VMA12: variants seen among roughly 807,000 people sequenced by gnomAD.
The protein encoded by VMA12 is vacuolar ATPase assembly protein VMA12.
At chr17:28,358,932 C>T in the VMA12 span, 2 of 1,611,654 alleles carry the variant, frequency 1.2e-6, no homozygotes, top group African/African-American at 2.7e-5. Flanking sequence ...AACTATACCT[C>T]CATGAGCTCC....
the VMA12 span, chr17:28,358,510 G>A: frequency 2.1e-6 from 1 of 474,318 alleles, no homozygotes; most frequent in Admixed American, 2.3e-5. Flanking sequence ...GAAGTGCAAA[G>A]GGTAGACTGC....
chr17:28,360,512 C>T, the VMA12 span: 12 of 1,613,606 alleles, frequency 7.4e-6, no homozygotes, highest in Non-Finnish European at 9.3e-6. Flanking sequence ...GAATCATCTT[C>T]TTTTTCTTTT....
At chr17:28,360,369 G>A in the VMA12 span, 1 of 654,880 alleles carries the variant, frequency 1.5e-6, no homozygotes, top group Non-Finnish European at 2.6e-6. Context: ...CGAAATGCCT[G>A]CTCTGTAGTC....
At chr17:28,360,128 A>T in the VMA12 span, 1 of 176,604 alleles carries the variant, frequency 5.7e-6, no homozygotes, top group South Asian at 1.2e-4. Context: ...CCACCACGCC[A>T]GGCTAATTTT....
the VMA12 span, chr17:28,357,696 AGCGATTGGT>A: frequency 6.2e-7 from 1 of 1,612,544 alleles, no homozygotes; most frequent in South Asian, 1.1e-5. Context: ...CTTGCGGGCG[AGCGATTGGT>A]GCGTGCTTTG....
At chr17:28,357,665 C>A in the VMA12 span, 1 of 1,611,398 alleles carries the variant, frequency 6.2e-7, no homozygotes, top group Non-Finnish European at 8.5e-7. Flanking sequence ...GGAGAGCCGG[C>A]TAGATATGGC....
the VMA12 span, chr17:28,357,964 C>T: frequency 4.9e-6 from 7 of 1,442,832 alleles, no homozygotes; most frequent in Non-Finnish European, 6.7e-6. Flanking sequence ...CATTCCCCTT[C>T]TTCTACGGAG....
the VMA12 span, chr17:28,360,641 T>C: frequency 6.2e-7 from 1 of 1,608,906 alleles, no homozygotes; most frequent in Non-Finnish European, 8.5e-7. Flanking sequence ...GGCTTGTTGT[T>C]TGACTGAAAC....
At chr17:28,360,540 T>C in the VMA12 span, 4 of 1,614,018 alleles carry the variant, frequency 2.5e-6, no homozygotes, top group East Asian at 2.2e-5. Flanking sequence ...ATACAAGACA[T>C]GGTGGGACTC....
chr17:28,362,830 G>A, the VMA12 span: 1 of 152,182 alleles, frequency 6.6e-6, no homozygotes, highest in African/African-American at 2.4e-5. Flanking sequence ...GGGGCACTGG[G>A]AGGGGAGAAC....
chr17:28,360,656 TTGG>T, the VMA12 span: 1 of 1,606,316 alleles, frequency 6.2e-7, no homozygotes, highest in Non-Finnish European at 8.5e-7. Flanking sequence ...TGAAACCCAG[TTGG>T]TGGGGGAGCC....
chr17:28,357,840 T>A, the VMA12 span: 4 of 1,613,970 alleles, frequency 2.5e-6, no homozygotes, highest in Non-Finnish European at 3.4e-6. Flanking sequence ...TTGGTTTCTT[T>A]CCGTCTCATC....
chr17:28,360,444 G>A, the VMA12 span: 12 of 1,143,928 alleles, frequency 1.0e-5, no homozygotes, highest in African/African-American at 3.0e-5. Context: ...AATATGTTGG[G>A]GAATAGAGAG....
chr17:28,361,386 C>T, the VMA12 span: 1 of 751,438 alleles, frequency 1.3e-6, no homozygotes, highest in Non-Finnish European at 2.2e-6. Flanking sequence ...AGGCCAGCTG[C>T]TGTTTCTGTG....
chr17:28,361,160 G>T, the VMA12 span: 1 of 1,614,106 alleles, frequency 6.2e-7, no homozygotes, highest in Non-Finnish European at 8.5e-7. Context: ...TCTCCAGCGG[G>T]TGCTAGCTGC....
chr17:28,360,621 A>G, the VMA12 span: 1 of 1,611,090 alleles, frequency 6.2e-7, no homozygotes, highest in Non-Finnish European at 8.5e-7. Flanking sequence ...GAGATGGGTC[A>G]TGACACTCAG....
chr17:28,359,942 G>A, the VMA12 span, among the ~76,000 whole-genome samples: 15 of 151,556 alleles, frequency 9.9e-5, no homozygotes, highest in Admixed American at 5.9e-4. Context: ...TAAATAAGTG[G>A]GAATGAATCT....
chr17:28,360,607 T>C, the VMA12 span: 1 of 1,613,430 alleles, frequency 6.2e-7, no homozygotes, highest in Non-Finnish European at 8.5e-7. Flanking sequence ...TAAAACCTTT[T>C]CCTGAGATGG....
At chr17:28,357,770 C>T in the VMA12 span, 6 of 1,613,656 alleles carry the variant, frequency 3.7e-6, no homozygotes, top group East Asian at 8.9e-5. Flanking sequence ...GCGGGCCGAG[C>T]TTGAGGCCGC....
Sources: gnomAD v4.1 joint callset for allele counts (sites outside exome capture counted in the v4.1 genomes callset) on GRCh38, gnomAD v4.1.1 for gene constraint, MANE v1.5 for transcripts, NCBI Gene and HGNC (gene_info 2026-07-23, HGNC 2026-07-21) for gene names.